The following ZNF124 variants were observed in gnomAD, a reference collection of about 807,000 sequenced individuals.
ZNF124 encodes the protein zinc finger protein 124, also known as zinc finger protein HZF-16.
Under a neutral mutation model 26.6 loss-of-function variants are expected in ZNF124, and 25 were observed. That is an observed-to-expected ratio of 0.94 (90% confidence interval 0.68 to 1.31). ZNF124 has a LOEUF of 1.31. ZNF124 is among the 40% of genes most tolerant of loss of function. The probability of loss-of-function intolerance (pLI) is 0.00; values close to 1 mark genes in which losing one functional copy is unlikely to be tolerated. For synonymous variants in ZNF124, 129 were observed against 133.3 expected, an observed-to-expected ratio of 0.97 and a Z score of 0.22; for missense variants, 444 against 422.2, an observed-to-expected ratio of 1.05 and a Z score of -0.45.
chr1:247,151,208 G>A (rs1672925808), downstream of ZNF124, among the ~76,000 whole-genome samples: 1 of 152,096 alleles, frequency 6.6e-6, no homozygotes, highest in African/African-American at 2.4e-5. Context: ...GGCTGGGCGC[G>A]GTGGCTCACG....
In ZNF124 at chr1:247,159,820, T is replaced by C. The variant is rs1323164330; in HGVS notation, c.31-7A>G. 6.2e-7 allele frequency: 1 copy of C among 1,608,096 alleles called. No individual in the cohort carries two copies. The highest frequency in any genetic ancestry group is 1.1e-5 in the South Asian group (1 of 89,984). ...CCTCAAAGGCAACCGAGTTCTAAAATATTCCACATTTTTGTAGAGGATGGA... is the reference window on the plus strand; with the variant it reads ...CCTCAAAGGCAACCGAGTTCTAAAACATTCCACATTTTTGTAGAGGATGGA... On this transcript the variant is annotated splice_polypyrimidine_tract_variant and splice_region_variant and intron_variant, in intron 1 of 3. Coordinates refer to ENST00000543802, the MANE Select transcript of ZNF124 (RefSeq NM_001297568.2).
intron 3 of ZNF124, among the ~76,000 whole-genome samples, chr1:247,141,203 C>T (rs1425885970): frequency 6.6e-6 from 1 of 152,116 alleles, no homozygotes; most frequent in East Asian, 1.9e-4. Context: ...AACTGGTCTC[C>T]TCTCCTTGGG....
chr1:247,156,176 G>A lies in ZNF124; in HGVS notation c.*390C>T, dbSNP rs924203168. 3.7e-5 allele frequency: 37 copies of A among 993,264 alleles called. No individual in the cohort carries two copies. Among genetic ancestry groups the A allele is most frequent in the Non-Finnish European group, 4.4e-5 (37 of 835,830 alleles). The allele number at this position is 993,264 out of a possible 1,614,324, so 61.5% of individuals were successfully genotyped here. On this transcript the variant is annotated 3_prime_UTR_variant, in exon 4 of 4. Coordinates refer to ENST00000543802, the MANE Select transcript of ZNF124 (RefSeq NM_001297568.2). ...TGGTGGGCATTCTTTTATTTATAAG[G>A]TCAATCTGGAGTATGTGTTACCATG...
chr1:247,169,058 A>G (rs1277263697), intron 1 of ZNF124, among the ~76,000 whole-genome samples: 1 of 152,206 alleles, frequency 6.6e-6, no homozygotes, highest in Non-Finnish European at 1.5e-5. Context: ...AAATATCTAC[A>G]TATATTTAAA....
chr1:247,169,293 A>G (rs1278282352), intron 1 of ZNF124, among the ~76,000 whole-genome samples: 3 of 152,156 alleles, frequency 2.0e-5, no homozygotes, highest in Non-Finnish European at 4.4e-5. Flanking sequence ...TCCTCATTGG[A>G]GAGACCACGT....
intron 3 of ZNF124, among the ~76,000 whole-genome samples, chr1:247,140,734 CA>C (rs1279289696): frequency 6.6e-6 from 1 of 152,116 alleles, no homozygotes; most frequent in African/African-American, 2.4e-5. Context: ...GGAATGCTAG[CA>C]AGGTGTTTTT....
rs1673198267 is a variant in ZNF124, at chr1:247,157,189, T to C, written c.433A>G (p.Thr145Ala). ...SSFQIHQRNHTGEKPYECMEC... is the reference protein window; with the variant it reads ...SSFQIHQRNHAGEKPYECMEC... ...ATACATTCATAGGGTTTCTCTCCAG[T>C]GTGATTTCTCTGATGTATCTGAAAT... Residue 145 changes from threonine to alanine, a missense_variant, in exon 4 of 4, where the codon ACT becomes GCT. Physicochemically the swap from Thr to Ala is moderately conservative, Grantham distance 58. Transcript: ENST00000543802. The C allele has an allele frequency of 3.7e-6, 6 of 1,613,986 alleles. No homozygotes were observed. Among genetic ancestry groups the C allele is most frequent in the Non-Finnish European group, 3.4e-6 (4 of 1,179,920 alleles).
intron 3 of ZNF124, among the ~76,000 whole-genome samples, chr1:247,141,918 C>T (rs921719275): frequency 4.6e-5 from 7 of 152,180 alleles, no homozygotes; most frequent in African/African-American, 7.2e-5. Context: ...CTCTGCTGAC[C>T]TGGGAGCAGC....
chr1:247,153,955 A>G (rs573144013), downstream of ZNF124, among the ~76,000 whole-genome samples: 5 of 152,300 alleles, frequency 3.3e-5, no homozygotes, highest in African/African-American at 1.2e-4. Context: ...ATCTATGGAT[A>G]TGCACCTCAT....
At chr1:247,162,366 T>A (rs1432146243) in intron 1 of ZNF124, among the ~76,000 whole-genome samples, 1 of 151,886 alleles carries the variant, frequency 6.6e-6, no homozygotes, top group African/African-American at 2.4e-5. Flanking sequence ...AAGAGACCCA[T>A]CTCACATGCA....
intron 3 of ZNF124, among the ~76,000 whole-genome samples, chr1:247,144,695 C>G (rs1287811754): frequency 6.6e-6 from 1 of 152,132 alleles, no homozygotes; most frequent in African/African-American, 2.4e-5. Context: ...TGAAAGCCCG[C>G]AAAAGACTAG....
chr1:247,169,381 G>A (rs971672276), intron 1 of ZNF124, among the ~76,000 whole-genome samples: 28 of 152,224 alleles, frequency 1.8e-4, no homozygotes, highest in African/African-American at 6.5e-4. Flanking sequence ...GCAGGTTTTT[G>A]TGTCATCTTC....
chr1:247,152,463 T>G (rs1335030905), downstream of ZNF124, among the ~76,000 whole-genome samples: 1 of 152,042 alleles, frequency 6.6e-6, no homozygotes, highest in East Asian at 1.9e-4. Context: ...ATATATCCAT[T>G]ATAATATTCA....
intron 3 of ZNF124, among the ~76,000 whole-genome samples, chr1:247,148,713 C>G (rs530345096): frequency 6.6e-6 from 1 of 152,242 alleles, no homozygotes; most frequent in East Asian, 1.9e-4. Flanking sequence ...GTAATCCCAG[C>G]ACTTTTGGAG....
chr1:247,145,673 A>G (rs1006200873), intron 3 of ZNF124, among the ~76,000 whole-genome samples: 2 of 151,864 alleles, frequency 1.3e-5, no homozygotes, highest in African/African-American at 4.8e-5. Flanking sequence ...CTGTCGCCCA[A>G]GCTGGAGTGC....
intron 3 of ZNF124, among the ~76,000 whole-genome samples, chr1:247,125,074 A>AT (rs1159114504): frequency 6.6e-6 from 1 of 152,104 alleles, no homozygotes; most frequent in Non-Finnish European, 1.5e-5. Context: ...AAGTGCTGGG[A>AT]TTACAGGCAT....
chr1:247,142,645 T>G (rs1176549123), intron 3 of ZNF124, among the ~76,000 whole-genome samples: 1 of 152,190 alleles, frequency 6.6e-6, no homozygotes, highest in Non-Finnish European at 1.5e-5. Flanking sequence ...TTTTTTCAGT[T>G]TGATGAAATC....
chr1:247,158,226 G>T (rs1673264969), intron 3 of ZNF124, among the ~76,000 whole-genome samples: 1 of 152,062 alleles, frequency 6.6e-6, no homozygotes, highest in Non-Finnish European at 1.5e-5. Context: ...CTCCAGTCTG[G>T]ATACCAGAGA....
intron 1 of ZNF124, among the ~76,000 whole-genome samples, chr1:247,167,340 C>T (rs75068666): frequency 0.094 from 14,381 of 152,200 alleles, 812 homozygotes; most frequent in Admixed American, 0.15. Flanking sequence ...CAAATGCAGG[C>T]AACAGAAAAC....
Sources: allele counts gnomAD v4.1 joint callset (sites outside exome capture counted in the v4.1 genomes callset), GRCh38; gene constraint gnomAD v4.1.1; transcripts MANE v1.5; gene names NCBI Gene and HGNC (gene_info 2026-07-23, HGNC 2026-07-21).